Variants in SMTNL1 observed in about 807,000 individuals in gnomAD.
The protein encoded by SMTNL1 is smoothelin-like protein 1.
SMTNL1 carries 41 observed loss-of-function variants against 46.6 expected under a neutral mutation model. The ratio of observed to expected loss-of-function variants is 0.88; its 90% CI spans 0.69 to 1.14. The LOEUF is 1.14. SMTNL1 is among the 50% of genes most tolerant of loss of function. The pLI is 0.00. For missense variants in SMTNL1, 591 were observed against 626.1 expected, an observed-to-expected ratio of 0.94 and a Z score of 0.60; for synonymous variants, 234 against 234.2, an observed-to-expected ratio of 1.00 and a Z score of 0.01.
intron 7 of SMTNL1, among the ~76,000 whole-genome samples, chr11:57,547,535 G>T (rs1944931062): frequency 6.6e-6 from 1 of 152,246 alleles, no homozygotes; most frequent in Non-Finnish European, 1.5e-5. Flanking sequence ...TTGTTGTGAA[G>T]ATTAAGTGTG....
rs1028487099 is a variant in SMTNL1, at chr11:57,546,229, A to C, written c.1074-4A>C. On this transcript the variant is annotated splice_region_variant and splice_polypyrimidine_tract_variant and intron_variant, in intron 5 of 7. Coordinates refer to ENST00000527972, the MANE Select transcript of SMTNL1 (RefSeq NM_001105565.3). Reference sequence around the variant, plus strand: ...CTTGGCCTTGCACCCCTCTCCCCTCACAGGGCAGCTTCCGGCCCCACGGCC... The same window carrying C: ...CTTGGCCTTGCACCCCTCTCCCCTCCCAGGGCAGCTTCCGGCCCCACGGCC... 3.1e-6 allele frequency: 5 copies of C among 1,591,686 alleles called. No individual in the cohort carries two copies. The highest frequency in any genetic ancestry group is 4.3e-6 in the Non-Finnish European group (5 of 1,169,274).
intron 4 of SMTNL1, 47 bp from the exon 5 acceptor site, chr11:57,545,834 G>T (rs1344159648): frequency 1.9e-6 from 3 of 1,544,098 alleles, no homozygotes; most frequent in Non-Finnish European, 2.6e-6. Flanking sequence ...GTGTCCTGCA[G>T]TGCTGGTCCC....
intron 7 of SMTNL1, among the ~76,000 whole-genome samples, chr11:57,547,770 G>A (rs987513010): frequency 6.6e-6 from 1 of 152,240 alleles, no homozygotes; most frequent in African/African-American, 2.4e-5. Context: ...GCACTGCATT[G>A]GTTGCAGGGA....
chr11:57,544,117 C>T (rs564337288), intron 4 of SMTNL1, among the ~76,000 whole-genome samples, 197 bp downstream of exon 4: 12 of 152,356 alleles, frequency 7.9e-5, no homozygotes, highest in African/African-American at 2.4e-4. Flanking sequence ...CAGTGGCTCA[C>T]GCCTGTAATC....
At chr11:57,545,029 G>A (rs1022727976) in intron 4 of SMTNL1, among the ~76,000 whole-genome samples, 11 of 151,964 alleles carry the variant, frequency 7.2e-5, no homozygotes, top group Admixed American at 6.6e-4. Context: ...TAGAGGCAGG[G>A]TTTCACCATG....
chr11:57,545,846 G>A (rs1944916608), intron 4 of SMTNL1, 35 bp from the exon 5 acceptor site: 1 of 1,580,496 alleles, frequency 6.3e-7, no homozygotes, highest in Non-Finnish European at 8.6e-7. Flanking sequence ...GCTGGTCCCA[G>A]CCTCTCTCAC....
At chr11:57,541,395 G>A in intron 1 of SMTNL1, 1 of 806,808 alleles carries the variant, frequency 1.2e-6, no homozygotes, top group East Asian at 6.1e-5. Flanking sequence ...AAAAAGGGCA[G>A]GAGCATGAAG....
At chr11:57,545,376 G>A (rs961598244) in intron 4 of SMTNL1, among the ~76,000 whole-genome samples, 4 of 151,798 alleles carry the variant, frequency 2.6e-5, no homozygotes, top group South Asian at 2.1e-4. Flanking sequence ...AGGCTGAGGC[G>A]GGTAGATCAC....
chr11:57,550,251 T>A lies in SMTNL1; in HGVS notation c.*139T>A. The A allele has an allele frequency of 2.3e-6, 2 of 869,912 alleles. No individual in the cohort carries two copies. The highest frequency in any genetic ancestry group is 1.7e-5 in the African/African-American group (1 of 58,622). 53.9% of individuals were successfully genotyped at this position (869,912 alleles called of 1,614,324 possible). A position where few individuals can be genotyped will look rare whatever the true frequency, so the allele number is the denominator to read the frequency against. On this transcript the variant is annotated 3_prime_UTR_variant, in exon 8 of 8. Transcript: ENST00000527972. Reference sequence around the variant, plus strand: ...TGTGTGGCGTTGGTTTTAACTGCATTAAAAGTACTTTTGTAAAATCCTGTC... The same window carrying A: ...TGTGTGGCGTTGGTTTTAACTGCATAAAAAGTACTTTTGTAAAATCCTGTC...
chr11:57,547,227 C>A (rs1944929385), intron 7 of SMTNL1, among the ~76,000 whole-genome samples: 1 of 152,242 alleles, frequency 6.6e-6, no homozygotes, highest in Non-Finnish European at 1.5e-5. Flanking sequence ...CAGCTCTGCT[C>A]TCACCAAGTG....
rs1944894055 is a variant in SMTNL1 at position 57,543,180 on chromosome 11, G to A, written c.538G>A (p.Gly180Ser). Residue 180 changes from glycine (G) to serine (S), a missense_variant, in exon 2 of 8, where the codon GGC (glycine) becomes AGC (serine). Transcript: ENST00000527972. ...CAAGACAGCCTCTCAGGAGGAGACAGGCCAGAGGAAAGAGTGCAGCACTGA... is the reference window on the plus strand; with the variant it reads ...CAAGACAGCCTCTCAGGAGGAGACAAGCCAGAGGAAAGAGTGCAGCACTGA... Reference protein sequence around the residue: ...DAKTASQEETGQRKECSTEPK... With the variant: ...DAKTASQEETSQRKECSTEPK... 1.2e-6 allele frequency: 2 copies of A among 1,613,750 alleles called. No homozygotes were observed. Among genetic ancestry groups the A allele is most frequent in the South Asian group, 2.2e-5 (2 of 91,054 alleles).
At position 57,549,029 on chromosome 11, in the gene SMTNL1, C is replaced by CTT. The variant is rs373390115; in HGVS notation, c.1341-926_1341-925dup. Among the ~76,000 whole-genome samples, 810 of 139,122 alleles carry CTT rather than the reference C, an allele frequency of 5.8e-3. 7 individuals carry two copies. Among genetic ancestry groups the CTT allele is most frequent in the Middle Eastern group, 0.015 (4 of 260 alleles). The allele number at this position is 139,122 out of a possible 152,430, so 91.3% of individuals were successfully genotyped here. A position where few individuals can be genotyped will look rare whatever the true frequency, so the allele number is the denominator to read the frequency against. ...TTTCTGTCCTTTATCTTTTTTTTTTCTTTTTTTTTTTTTTGAGACAGAGTA... is the reference window on the plus strand; with the variant it reads ...TTTCTGTCCTTTATCTTTTTTTTTTCTTTTTTTTTTTTTTTTGAGACAGAGTA... On this transcript the variant is annotated intron_variant, in intron 7 of 7. Transcript: ENST00000527972.
intron 7 of SMTNL1, 110 bp from the exon 8 acceptor site, chr11:57,549,858 C>A: frequency 8.4e-7 from 1 of 1,189,930 alleles, no homozygotes. Flanking sequence ...GCCCCAACAT[C>A]CCAGCCCATC....
At chr11:57,549,755 A>G (rs1486844542) in intron 7 of SMTNL1, among the ~76,000 whole-genome samples, 1 of 152,162 alleles carries the variant, frequency 6.6e-6, no homozygotes, top group Non-Finnish European at 1.5e-5. Context: ...AAAGGAAGCC[A>G]CAGCACCTGG....
At chr11:57,543,595 T>G in intron 2 of SMTNL1, 29 bp from the exon 3 acceptor site, 1 of 1,600,382 alleles carries the variant, frequency 6.2e-7, no homozygotes, top group Non-Finnish European at 8.5e-7. Context: ...TGTGTGACCA[T>G]GAGCTCACGC....
In SMTNL1 at chr11:57,548,594, C is replaced by T. The variant is rs547361248; in HGVS notation, c.1341-1374C>T. Among the ~76,000 whole-genome samples the T allele has an allele frequency of 4.6e-5, 7 of 152,100 alleles. No homozygotes were observed. In the East Asian group the frequency reaches 7.7e-4, roughly 17 times the overall value. On this transcript the variant is annotated intron_variant, in intron 7 of 7. Transcript: ENST00000527972. ...CTGAGGCAGGAGAATCACTTGAATCCGGGAAGCAGAGGTTGCAGTGAGCCA... is the reference window on the plus strand; with the variant it reads ...CTGAGGCAGGAGAATCACTTGAATCTGGGAAGCAGAGGTTGCAGTGAGCCA...
In SMTNL1 at chr11:57,543,939, G is replaced by C. The variant is rs1419017022; in HGVS notation, c.917+19G>C. ...CAGCCAGGTAATGTCAAACTCTGGG[G>C]CTCCAGCTCCAATTCCCCCTACCTC... On this transcript the variant is annotated intron_variant, in intron 4 of 7. Transcript: ENST00000527972. The C allele has an allele frequency of 1.3e-6, 2 of 1,569,514 alleles. No homozygotes were observed. Among genetic ancestry groups the C allele is most frequent in the Admixed American group, 3.7e-5 (2 of 53,450 alleles).
chr11:57,543,663 G>C lies in SMTNL1; in HGVS notation c.772G>C (p.Glu258Gln), dbSNP rs1286108035. 2 of 1,605,644 alleles carry C rather than the reference G, an allele frequency of 1.2e-6. No homozygotes were observed. The highest frequency in any genetic ancestry group is 1.7e-6 in the Non-Finnish European group (2 of 1,176,638). ...CAGCGAAGAGCAGGAGCAGGACGTG[G>C]AAAAAGAGCCAGAGGGAGGGGCAGG... ...SPSEEQEQDVEKEPEGGAGVI... is the reference protein window; with the variant it reads ...SPSEEQEQDVQKEPEGGAGVI... Residue 258 changes from glutamate to glutamine, a missense_variant, in exon 3 of 8, where the codon GAA (glutamate) becomes CAA (glutamine). By Grantham distance (29) the Glu-to-Gln change is conservative (BLOSUM62 2). Transcript: ENST00000527972.
intron 7 of SMTNL1, among the ~76,000 whole-genome samples, chr11:57,547,378 A>C (rs1303141162): frequency 6.6e-6 from 1 of 152,306 alleles, no homozygotes; most frequent in South Asian, 2.1e-4. Context: ...CAGGCAGCTG[A>C]AAGCCCAGGA....
Sources: gnomAD v4.1 joint callset for allele counts (sites outside exome capture counted in the v4.1 genomes callset) on GRCh38, gnomAD v4.1.1 for gene constraint, MANE v1.5 for transcripts, NCBI Gene and HGNC (gene_info 2026-07-23, HGNC 2026-07-21) for gene names.